MTMR7: variants seen among roughly 807,000 people sequenced by gnomAD.
MTMR7 encodes myotubularin related protein 7.
Under a neutral mutation model 81.2 loss-of-function variants are expected in MTMR7, and 76 were observed. The ratio of observed to expected loss-of-function variants is 0.94; its 90% confidence interval spans 0.78 to 1.13. The LOEUF is 1.13. Ranked by LOEUF, MTMR7 falls within the 50% of genes most tolerant of loss-of-function variation. The pLI is 0.00. For synonymous variants in MTMR7, 372 were observed against 289.8 expected (o/e 1.28, Z -2.88); for missense variants, 1,044 against 820.0 (o/e 1.27, Z -3.34).
At chr8:17,334,450 A>C (rs1348610105) in intron 6 of MTMR7, among the ~76,000 whole-genome samples, 3 of 152,252 alleles carry the variant, frequency 2.0e-5, no homozygotes, top group Non-Finnish European at 4.4e-5. Context: ...GTTCTCAAGT[A>C]GATAAAGCAA....
rs747948343 is a variant in MTMR7 at position 17,305,901 on chromosome 8, A to G, written c.1208T>C (p.Ile403Thr). The change falls in exon 11 of 14, where the codon ATT (isoleucine) becomes ACT (threonine). Residue 403 changes from isoleucine (I) to threonine (T), a missense_variant. By Grantham distance (89) the Ile-to-Thr change is moderately conservative. Coordinates refer to ENST00000180173, the MANE Select transcript of MTMR7 (RefSeq NM_004686.5). ...KEISPVIDQF[I>T]ECVWQLMEQF... The stretch of plus-strand genomic sequence containing the variant: ...TTCCATTAACTGCCAAACACACTCA[A>G]TGAACTGGTCAATAACTGGAGAGAT... The G allele has an allele frequency of 1.2e-6, 2 of 1,613,838 alleles. No homozygotes were observed. The highest frequency in any genetic ancestry group is 1.1e-5 in the South Asian group (1 of 91,072).
At chr8:17,412,190 A>T (rs898904674) in intron 1 of MTMR7, among the ~76,000 whole-genome samples, 4 of 152,202 alleles carry the variant, frequency 2.6e-5, no homozygotes, top group Non-Finnish European at 5.9e-5. Context: ...AGATCATTTT[A>T]ATCTGCTTTT....
intron 4 of MTMR7, 134 bp from the exon 5 acceptor site, chr8:17,349,215 T>C: frequency 9.3e-7 from 1 of 1,076,128 alleles, no homozygotes; most frequent in Non-Finnish European, 1.3e-6. Context: ...GGAGGCTATT[T>C]CGAGGAAACT....
chr8:17,324,931 T>TCACATCTG (rs1315338844), intron 7 of MTMR7, among the ~76,000 whole-genome samples: 1 of 152,130 alleles, frequency 6.6e-6, no homozygotes, highest in Non-Finnish European at 1.5e-5. Flanking sequence ...TTTCATTAGC[T>TCACATCTG]CACATCTGGT....
intron 1 of MTMR7, among the ~76,000 whole-genome samples, chr8:17,406,857 T>A (rs1344505920): frequency 6.6e-6 from 1 of 151,846 alleles, no homozygotes; most frequent in Non-Finnish European, 1.5e-5. Context: ...AAAGAAGAGG[T>A]CACAAAAGGC....
At chr8:17,319,913 G>T (rs754597676) in intron 7 of MTMR7, among the ~76,000 whole-genome samples, 7 of 152,020 alleles carry the variant, frequency 4.6e-5, no homozygotes, top group Non-Finnish European at 8.8e-5. Flanking sequence ...CCCTAATACA[G>T]GACTCACTAG....
chr8:17,391,769 G>C (rs1585117271), intron 1 of MTMR7, among the ~76,000 whole-genome samples: 1 of 152,142 alleles, frequency 6.6e-6, no homozygotes, highest in African/African-American at 2.4e-5. Context: ...TCTATGATAA[G>C]CAGTGTTTTA....
chr8:17,384,140 G>C (rs1820853078), intron 1 of MTMR7, among the ~76,000 whole-genome samples: 1 of 152,182 alleles, frequency 6.6e-6, no homozygotes, highest in African/African-American at 2.4e-5. Flanking sequence ...GCTGGGCATA[G>C]TGGCTCATAC....
At chr8:17,313,436 A>C in intron 7 of MTMR7, 35 bp from the exon 8 acceptor site, 2 of 1,345,446 alleles carry the variant, frequency 1.5e-6, no homozygotes, top group Non-Finnish European at 1.1e-6. Flanking sequence ...AGCAAAATTA[A>C]GGTACTCTCT....
chr8:17,301,335 G>T (rs1817097000), intron 13 of MTMR7, among the ~76,000 whole-genome samples: 1 of 152,282 alleles, frequency 6.6e-6, no homozygotes, highest in African/African-American at 2.4e-5. Context: ...GTTTCAGGGA[G>T]GAAGGAACAT....
chr8:17,362,674 C>T (rs1365580720), intron 3 of MTMR7, among the ~76,000 whole-genome samples: 1 of 152,182 alleles, frequency 6.6e-6, no homozygotes, highest in Non-Finnish European at 1.5e-5. Flanking sequence ...TTCCAGGCCC[C>T]TAATCTTCCT....
chr8:17,387,286 A>G (rs567174511), intron 1 of MTMR7, among the ~76,000 whole-genome samples: 2 of 152,312 alleles, frequency 1.3e-5, no homozygotes, highest in African/African-American at 4.8e-5. Context: ...CCATATCATC[A>G]TACTTCAAAC....
chr8:17,333,478 C>T (rs922355138), intron 6 of MTMR7, among the ~76,000 whole-genome samples: 11 of 152,094 alleles, frequency 7.2e-5, no homozygotes, highest in African/African-American at 2.7e-4. Flanking sequence ...ATGAACCTTA[C>T]GTTTATGCTG....
chr8:17,348,725 T>C (rs1179902986), intron 5 of MTMR7, among the ~76,000 whole-genome samples: 1 of 152,088 alleles, frequency 6.6e-6, no homozygotes, highest in Non-Finnish European at 1.5e-5. Flanking sequence ...TCTGAATCTA[T>C]TGAGTCATTT....
rs535706435 is a variant in MTMR7 at position 17,310,478 on chromosome 8, T to C, written c.1101+1033A>G. 1.2e-4 allele frequency among the ~76,000 whole-genome samples: 19 copies of C among 152,240 alleles called. 1 individual carries two copies. Among genetic ancestry groups the C allele is most frequent in the Admixed American group, 1.0e-3 (16 of 15,290 alleles). ...TTAATGGGGCACAATGAGAACAAGTTGATGATGGAAACGCATGTGTGCAGG... is the reference window on the plus strand; with the variant it reads ...TTAATGGGGCACAATGAGAACAAGTCGATGATGGAAACGCATGTGTGCAGG... On this transcript the variant is annotated intron_variant, in intron 9 of 13. Coordinates refer to ENST00000180173, the MANE Select transcript of MTMR7 (RefSeq NM_004686.5).
intron 12 of MTMR7, 33 bp from the exon 13 acceptor site, chr8:17,302,313 C>G (rs547108725): frequency 3.2e-6 from 5 of 1,585,862 alleles, no homozygotes; most frequent in South Asian, 2.3e-5. Flanking sequence ...GTGATACCAC[C>G]TTATCACAGT....
chr8:17,382,135 C>T (rs981363158), intron 1 of MTMR7, among the ~76,000 whole-genome samples: 3 of 152,184 alleles, frequency 2.0e-5, no homozygotes, highest in African/African-American at 4.8e-5. Context: ...ATGGCCAACA[C>T]GACTTTTGTG....
chr8:17,393,903 A>G (rs1413901715), intron 1 of MTMR7, among the ~76,000 whole-genome samples: 1 of 152,228 alleles, frequency 6.6e-6, no homozygotes, highest in East Asian at 1.9e-4. Flanking sequence ...ATCTTAACAG[A>G]TATTTCTCCA....
At chr8:17,413,128 G>A in intron 1 of MTMR7, 141 bp downstream of exon 1, 3 of 945,520 alleles carry the variant, frequency 3.2e-6, no homozygotes, top group South Asian at 2.9e-5. Context: ...GGATGCTCAG[G>A]CAATGCCTGC....
Sources: gnomAD v4.1 joint callset for allele counts (sites outside exome capture counted in the v4.1 genomes callset) on GRCh38, gnomAD v4.1.1 for gene constraint, MANE v1.5 for transcripts, NCBI Gene and HGNC (gene_info 2026-07-23, HGNC 2026-07-21) for gene names.